RYR3: variants seen among roughly 807,000 people sequenced by gnomAD.
The protein encoded by RYR3 is brain ryanodine receptor-calcium release channel.
A neutral mutation model predicts 584.3 loss-of-function variants in RYR3; 207 were observed. That is an observed-to-expected ratio of 0.35 (90% CI 0.32 to 0.40). RYR3 has a LOEUF of 0.40. Among genes scored for constraint, RYR3 ranks in the 10% least tolerant of loss-of-function variants. The probability of loss-of-function intolerance (pLI) is 1.00; values close to 1 mark genes in which losing one functional copy is unlikely to be tolerated. For synonymous variants in RYR3, 2,416 were observed against 2,248.5 expected (o/e 1.07, Z -2.11); for missense variants, 5,616 against 6,089.2 (o/e 0.92, Z 2.59).
At chr15:33,459,514 G>T (rs1345847940) in intron 1 of RYR3, among the ~76,000 whole-genome samples, 1 of 152,126 alleles carries the variant, frequency 6.6e-6, no homozygotes, top group Non-Finnish European at 1.5e-5. Flanking sequence ...TGGTGTAAGA[G>T]CACAGCAGGG....
In RYR3 at chr15:33,495,479, T is replaced by C. The variant is rs972766885; in HGVS notation, c.172-8152T>C. Among the ~76,000 whole-genome samples the C allele has an allele frequency of 2.0e-5, 3 of 152,152 alleles. No individual in the cohort carries two copies. The South Asian group carries it at 6.2e-4, about 32-fold the overall frequency. ...AAAATGTCTTCTCTAAAAGCACTGGTGTAAGGGATAGATGACATAGTATTT... is the reference window on the plus strand; with the variant it reads ...AAAATGTCTTCTCTAAAAGCACTGGCGTAAGGGATAGATGACATAGTATTT... On this transcript the variant is annotated intron_variant, in intron 2 of 103. Transcript: ENST00000634891.
At chr15:33,499,338 T>C (rs1177744021) in intron 2 of RYR3, among the ~76,000 whole-genome samples, 3 of 151,084 alleles carry the variant, frequency 2.0e-5, no homozygotes, top group African/African-American at 7.3e-5. Flanking sequence ...TCTTCCCCTC[T>C]GTCTCCTTCT....
At chr15:33,607,506 G>A (rs1277415078) in intron 18 of RYR3, among the ~76,000 whole-genome samples, 1 of 152,088 alleles carries the variant, frequency 6.6e-6, no homozygotes, top group African/African-American at 2.4e-5. Flanking sequence ...ATCATAAAAA[G>A]CACTTGAGGC....
At chr15:33,537,348 GT>G (rs953855306) in intron 5 of RYR3, among the ~76,000 whole-genome samples, 2 of 152,090 alleles carry the variant, frequency 1.3e-5, no homozygotes, top group Non-Finnish European at 2.9e-5. Flanking sequence ...GACAGGGTTG[GT>G]TTTTGTTTTC....
chr15:33,569,242 AT>A (rs1415382554), intron 12 of RYR3, among the ~76,000 whole-genome samples: 1 of 152,180 alleles, frequency 6.6e-6, no homozygotes, highest in Non-Finnish European at 1.5e-5. Flanking sequence ...TCACATATAA[AT>A]TTGTATAACT....
intron 10 of RYR3, among the ~76,000 whole-genome samples, chr15:33,561,003 A>G (rs2057371923): frequency 6.6e-6 from 1 of 152,344 alleles, no homozygotes; most frequent in Admixed American, 6.5e-5. Context: ...ATATTGCTCC[A>G]AGTGATCCTT....
chr15:33,773,605 T>A lies in RYR3; in HGVS notation c.9127T>A (p.Tyr3043Asn), dbSNP rs924745110. 1.2e-6 allele frequency: 2 copies of A among 1,602,708 alleles called. No individual in the cohort carries two copies. Among genetic ancestry groups the A allele is most frequent in the Non-Finnish European group, 8.5e-7 (1 of 1,172,982 alleles). ...CTCCCTTGGGACGGGAAAGAACATT[T>A]ATGTTGAAAGGTAATTAGTGAACGA... ...LYSLGTGKNI[Y>N]VERQRPALGE... The change falls in exon 64 of 104, where the codon TAT becomes AAT. Residue 3043 changes from tyrosine (Y) to asparagine (N), a missense_variant. Around this residue, in one of 9 missense-constraint regions of RYR3, gnomAD observed 954 missense variants for 1,132.2 expected, o/e 0.84. Transcript: ENST00000634891.
intron 1 of RYR3, among the ~76,000 whole-genome samples, chr15:33,470,446 T>G (rs1176759700): frequency 6.7e-6 from 1 of 148,988 alleles, no homozygotes; most frequent in Non-Finnish European, 1.5e-5. Context: ...ACCCCAGAGT[T>G]GTGTTATTTT....
At chr15:33,741,827 G>C (rs1191060500) in intron 51 of RYR3, among the ~76,000 whole-genome samples, 1 of 152,020 alleles carries the variant, frequency 6.6e-6, no homozygotes, top group African/African-American at 2.4e-5. Flanking sequence ...TGTTAGCCAG[G>C]ATGGTCTCGA....
chr15:33,428,412 C>T (rs1447472818), intron 1 of RYR3, among the ~76,000 whole-genome samples: 1 of 152,150 alleles, frequency 6.6e-6, no homozygotes, highest in African/African-American at 2.4e-5. Context: ...AAGTTTTGTA[C>T]TTCGAAGATT....
chr15:33,617,446 G>T (rs1332702353), intron 19 of RYR3, among the ~76,000 whole-genome samples: 2 of 151,932 alleles, frequency 1.3e-5, no homozygotes, highest in Admixed American at 1.3e-4. Context: ...AAATTGAAAA[G>T]GAATTATTGT....
In RYR3 at chr15:33,560,661, G is replaced by A. The variant is rs375944659; in HGVS notation, c.973-2176G>A. ...GAGCAGATTAGAGATGAGAATTTTC[G>A]CATCTTTTCAGTCCTGTTACTGGCT... On this transcript the variant is annotated intron_variant, in intron 10 of 103. Coordinates refer to ENST00000634891, the MANE Select transcript of RYR3 (RefSeq NM_001036.6). 3.9e-3 allele frequency among the ~76,000 whole-genome samples: 587 copies of A among 151,684 alleles called. 5 individuals are homozygous for A. Among genetic ancestry groups the A allele is most frequent in the African/African-American group, 0.013 (558 of 41,430 alleles).
chr15:33,829,773 T>C (rs2077574043), intron 85 of RYR3, among the ~76,000 whole-genome samples: 1 of 150,686 alleles, frequency 6.6e-6, no homozygotes, highest in Non-Finnish European at 1.5e-5. Context: ...AAAAAAATTT[T>C]GATTCATGGG....
intron 1 of RYR3, among the ~76,000 whole-genome samples, chr15:33,399,511 G>C (rs550908376): frequency 6.6e-6 from 1 of 152,088 alleles, no homozygotes; most frequent in Non-Finnish European, 1.5e-5. Flanking sequence ...GGTGGCCGGC[G>C]CCTGTATTCC....
In RYR3 at chr15:33,352,202, T is replaced by G. The variant is rs145310214; in HGVS notation, c.51+41106T>G. On this transcript the variant is annotated intron_variant, in intron 1 of 103. Coordinates refer to ENST00000634891, the MANE Select transcript of RYR3 (RefSeq NM_001036.6). ...TTTAAAAAAATATTTTCAGTCTTTA[T>G]CAAATCCTTACATAGATGGGCCTTA... is the stretch of plus-strand genomic sequence containing the variant. Among the ~76,000 whole-genome samples, 277 of 152,328 alleles carry G rather than the reference T, an allele frequency of 1.8e-3. 1 individual carries two copies. The highest frequency in any genetic ancestry group is 6.4e-3 in the African/African-American group (267 of 41,572).
chr15:33,792,355 C>A (rs145706378), intron 67 of RYR3, among the ~76,000 whole-genome samples: 1 of 152,118 alleles, frequency 6.6e-6, no homozygotes, highest in Non-Finnish European at 1.5e-5. Context: ...AGGCCTCTCC[C>A]CCAACCCGAG....
At chr15:33,826,311 T>G in intron 83 of RYR3, 42 bp downstream of exon 83, 2 of 1,600,196 alleles carry the variant, frequency 1.2e-6, no homozygotes, top group South Asian at 2.2e-5. Context: ...CGTGTGTGAA[T>G]CCTAGGAGAT....
chr15:33,312,740 A>G (rs571496388), intron 1 of RYR3, among the ~76,000 whole-genome samples: 73 of 152,324 alleles, frequency 4.8e-4, no homozygotes, highest in African/African-American at 1.6e-3. Flanking sequence ...TCAGTGTTGA[A>G]TAGATGTCCC....
intron 1 of RYR3, among the ~76,000 whole-genome samples, chr15:33,442,877 C>G (rs1471490199): frequency 6.6e-6 from 1 of 152,178 alleles, no homozygotes; most frequent in African/African-American, 2.4e-5. Context: ...CATATTTGCT[C>G]TTACAGTAGA....
Sources: allele counts gnomAD v4.1 joint callset (sites outside exome capture counted in the v4.1 genomes callset), GRCh38; gene constraint gnomAD v4.1.1; regional missense constraint gnomAD v4.1.1; transcripts MANE v1.5; gene names NCBI Gene and HGNC (gene_info 2026-07-23, HGNC 2026-07-21).